Variants in OGN observed in about 807,000 individuals in gnomAD.
OGN encodes mimecan.
A neutral mutation model predicts 30.8 loss-of-function variants in OGN; 19 were observed. That is an observed-to-expected ratio of 0.62 (90% CI 0.43 to 0.90). The LOEUF (loss-of-function observed/expected upper bound fraction) is 0.90, where lower values mean the gene tolerates loss of function less well. Ranked by LOEUF, OGN falls within the 40% of genes least tolerant of loss-of-function variation. OGN has a pLI of 0.00. For synonymous variants in OGN, 126 were observed against 128.3 expected (o/e 0.98, Z 0.12); for missense variants, 283 against 349.7 (o/e 0.81, Z 1.52).
At chr9:92,403,998 G>A (rs888134365) in intron 1 of OGN, among the ~76,000 whole-genome samples, 1 of 152,086 alleles carries the variant, frequency 6.6e-6, no homozygotes. Context: ...TCTTAGTTTT[G>A]TAATTTTAAT....
Position 92,385,046 on chromosome 9 carries a change from T to C in OGN, c.*574A>G, listed in dbSNP as rs1275411954. ...ATAACATTTATTTTATTTGGAAAGTTTTCCTAAATATGAGACTATCTGCTA... is the reference window on the plus strand; with the variant it reads ...ATAACATTTATTTTATTTGGAAAGTCTTCCTAAATATGAGACTATCTGCTA... On this transcript the variant is annotated 3_prime_UTR_variant, in exon 7 of 7. Coordinates refer to ENST00000375561, the MANE Select transcript of OGN (RefSeq NM_014057.5). The C allele has an allele frequency of 6.6e-6, 1 of 152,634 alleles. No homozygotes were observed. The highest frequency in any genetic ancestry group is 1.9e-4 in the East Asian group (1 of 5,204). 9.5% of individuals were successfully genotyped at this position (152,634 alleles called of 1,614,324 possible).
At chr9:92,386,718 T>A (rs1247753987) in intron 5 of OGN, among the ~76,000 whole-genome samples, 1 of 152,158 alleles carries the variant, frequency 6.6e-6, no homozygotes, top group Non-Finnish European at 1.5e-5. Flanking sequence ...CACCAATTTC[T>A]AGCTAAGTGG....
chr9:92,397,502 G>A (rs1006447622), intron 3 of OGN, among the ~76,000 whole-genome samples: 1 of 151,966 alleles, frequency 6.6e-6, no homozygotes, highest in African/African-American at 2.4e-5. Context: ...AATTTTTTTT[G>A]TATTTTTAGT....
At chr9:92,402,558 A>G (rs1461606163) in intron 2 of OGN, among the ~76,000 whole-genome samples, 1 of 152,110 alleles carries the variant, frequency 6.6e-6, no homozygotes, top group Non-Finnish European at 1.5e-5. Context: ...TGCCAAGAAA[A>G]CCACAAGTAA....
chr9:92,395,156 T>C (rs1452115460), intron 3 of OGN, among the ~76,000 whole-genome samples: 1 of 152,172 alleles, frequency 6.6e-6, no homozygotes, highest in East Asian at 1.9e-4. Context: ...TTAACATACC[T>C]GTCACTCCAA....
intron 3 of OGN, among the ~76,000 whole-genome samples, chr9:92,397,771 C>T (rs1176644424): frequency 2.6e-5 from 4 of 152,184 alleles, no homozygotes; most frequent in African/African-American, 7.2e-5. Flanking sequence ...TTATTTGTCT[C>T]TTTCTCCACA....
chr9:92,384,801 G>A lies in OGN; in HGVS notation c.*819C>T, dbSNP rs1442553977. 6.6e-6 allele frequency: 1 copy of A among 152,056 alleles called. No individual in the cohort carries two copies. The highest frequency in any genetic ancestry group is 2.4e-5 in the African/African-American group (1 of 41,396). 9.4% of individuals were successfully genotyped at this position (152,056 alleles called of 1,614,324 possible). On this transcript the variant is annotated 3_prime_UTR_variant, in exon 7 of 7. Transcript: ENST00000375561. ...TAGTATAAAAGGAAAATATTTTGCA[G>A]TTATCTCGTATTTGAAAGACTTTGC...
intron 5 of OGN, among the ~76,000 whole-genome samples, chr9:92,388,692 C>T (rs548426070): frequency 2.0e-5 from 3 of 151,714 alleles, no homozygotes; most frequent in South Asian, 4.2e-4. Context: ...ATTAGCCGGG[C>T]GTGGTGGTGT....
Position 92,389,503 on chromosome 9 carries a change from G to GA in OGN, c.630+350dup, listed in dbSNP as rs751825601. On this transcript the variant is annotated intron_variant, in intron 5 of 6. Transcript: ENST00000375561. Reference sequence around the variant, plus strand: ...GTTTATAATTTGCTAACATTGTAAGGAAAAAGAAACACAGGAAATATCCCA... The same window carrying GA: ...GTTTATAATTTGCTAACATTGTAAGGAAAAAAGAAACACAGGAAATATCCCA... The GA allele has an allele frequency of 2.5e-5, 4 of 161,108 alleles. No individual in the cohort carries two copies. The Admixed American group carries it at 2.6e-4, about 10-fold the overall frequency. The allele number at this position is 161,108 out of a possible 1,614,324, so 10.0% of individuals were successfully genotyped here.
chr9:92,403,503 C>T, intron 1 of OGN, 21 bp from the exon 2 acceptor site: 4 of 1,477,668 alleles, frequency 2.7e-6, no homozygotes, highest in South Asian at 3.0e-5. Flanking sequence ...AAATTCAGAC[C>T]ATCGAAGCAA....
chr9:92,401,268 C>G (rs566345151), intron 2 of OGN, 83 bp from the exon 3 acceptor site: 1 of 655,022 alleles, frequency 1.5e-6, no homozygotes, highest in Non-Finnish European at 2.7e-6. Context: ...GACACCTTCT[C>G]GTAGTTACAA....
chr9:92,395,488 T>A (rs1290336561), intron 3 of OGN, among the ~76,000 whole-genome samples: 3 of 152,210 alleles, frequency 2.0e-5, no homozygotes, highest in African/African-American at 4.8e-5. Context: ...TGTAAGTTTG[T>A]GTGGACTTAA....
At position 92,393,233 on chromosome 9, in the gene OGN, A is replaced by C; in HGVS notation, c.280T>G (p.Cys94Gly). ...CCACTTAAACAAACACACAGCAGAC[A>C]CGTGGGCATTTCTAAATTGGGAATA... is the stretch of plus-strand genomic sequence containing the variant. ...PKKENDEMPT[C>G]LLCVCLSGSV... Residue 94 changes from cysteine to glycine, a missense_variant, in exon 4 of 7, where the codon TGT becomes GGT. Cys to Gly is a radical substitution (Grantham distance 159). Transcript: ENST00000375561. 1.9e-6 allele frequency: 3 copies of C among 1,574,046 alleles called. No individual in the cohort carries two copies. Among genetic ancestry groups the C allele is most frequent in the Non-Finnish European group, 2.6e-6 (3 of 1,160,552 alleles).
At chr9:92,393,352 G>A (rs767609008) in intron 3 of OGN, 108 bp from the exon 4 acceptor site, 28 of 813,252 alleles carry the variant, frequency 3.4e-5, no homozygotes, top group Non-Finnish European at 4.8e-5. Context: ...TTGAAGAGAT[G>A]TTTTACAGAA....
intron 5 of OGN, among the ~76,000 whole-genome samples, chr9:92,386,921 G>A (rs923575413): frequency 9.2e-5 from 14 of 151,716 alleles, no homozygotes; most frequent in East Asian, 1.9e-4. Flanking sequence ...GGTGGTGGGC[G>A]CCTGTAGTCC....
In OGN at chr9:92,384,568, CAGAT is replaced by C. The variant is rs1325295663; in HGVS notation, c.*1048_*1051del. 1.3e-5 allele frequency: 2 copies of C among 152,140 alleles called. No homozygotes were observed. Among genetic ancestry groups the C allele is most frequent in the South Asian group, 2.1e-4 (1 of 4,828 alleles). 9.4% of individuals were successfully genotyped at this position (152,140 alleles called of 1,614,324 possible). On this transcript the variant is annotated 3_prime_UTR_variant, in exon 7 of 7. Transcript: ENST00000375561. ...CTGAGTCATCATAAATTATTACTCT[CAGAT>C]AGAAGATTTAATTCTTGCAGTTAGC... is the stretch of plus-strand genomic sequence containing the variant.
At chr9:92,400,699 G>A (rs1321293586) in intron 3 of OGN, among the ~76,000 whole-genome samples, 1 of 152,170 alleles carries the variant, frequency 6.6e-6, no homozygotes, top group African/African-American at 2.4e-5. Flanking sequence ...TGAAATGTAT[G>A]TGTAATTATT....
intron 6 of OGN, among the ~76,000 whole-genome samples, 186 bp from the exon 7 acceptor site, chr9:92,385,976 A>G (rs999425298): frequency 2.0e-5 from 3 of 152,244 alleles, no homozygotes; most frequent in African/African-American, 7.2e-5. Flanking sequence ...CAGACTTCAC[A>G]CGTACTGTGC....
At chr9:92,394,628 G>A (rs1057452589) in intron 3 of OGN, among the ~76,000 whole-genome samples, 8 of 150,734 alleles carry the variant, frequency 5.3e-5, no homozygotes, top group Non-Finnish European at 8.9e-5. Context: ...TTTTTGAGAT[G>A]AAGTCTCGCT....
Sources: allele counts gnomAD v4.1 joint callset (sites outside exome capture counted in the v4.1 genomes callset), GRCh38; gene constraint gnomAD v4.1.1; transcripts MANE v1.5; gene names NCBI Gene and HGNC (gene_info 2026-07-23, HGNC 2026-07-21).